The following UROS variants were observed in gnomAD, a reference collection of about 807,000 sequenced individuals.
The protein encoded by UROS is uroporphyrinogen-III synthase.
In UROS, 18 loss-of-function variants were observed where a neutral mutation model predicts 33.0. That is an observed-to-expected ratio of 0.55 (90% CI 0.38 to 0.81). The LOEUF is 0.81. UROS is among the 30% of genes least tolerant of loss of function. UROS has a pLI of 0.00. For synonymous variants in UROS, 114 were observed against 121.1 expected, an observed-to-expected ratio of 0.94 and a Z score of 0.38; for missense variants, 293 against 314.9, an observed-to-expected ratio of 0.93 and a Z score of 0.53.
At chr10:125,819,708 G>A (rs527460456) in intron 1 of UROS, 2 of 153,258 alleles carry the variant, frequency 1.3e-5, no homozygotes, top group Non-Finnish European at 2.9e-5. Context: ...TGAGACTGGT[G>A]AGGCTAGGGC....
intron 1 of UROS, among the ~76,000 whole-genome samples, chr10:125,822,650 G>A (rs761531738): frequency 2.6e-5 from 4 of 151,762 alleles, no homozygotes; most frequent in African/African-American, 9.7e-5. Flanking sequence ...CAGAGATGAG[G>A]TTTTGCCATG....
chr10:125,796,988 A>G, intron 7 of UROS: 1 of 409,012 alleles, frequency 2.4e-6, no homozygotes, highest in Non-Finnish European at 3.3e-6. Context: ...TGATTTATAT[A>G]TTATTTCTTT....
In UROS at chr10:125,798,148, G is replaced by A; in HGVS notation, c.395-3C>T. 1 of 1,613,700 alleles carries A rather than the reference G, an allele frequency of 6.2e-7. No individual in the cohort carries two copies. The highest frequency in any genetic ancestry group is 8.5e-7 in the Non-Finnish European group (1 of 1,179,652). On this transcript the variant is annotated splice_polypyrimidine_tract_variant and splice_region_variant and intron_variant, in intron 6 of 9. Coordinates refer to ENST00000368797, the MANE Select transcript of UROS (RefSeq NM_000375.3). ...AAGAGGCAGTGCTGAGGACTCCCCT[G>A]TGAATAAATAACCAGGCTTTGTGAA...
At chr10:125,817,935 C>T (rs1853495734) in intron 1 of UROS, among the ~76,000 whole-genome samples, 1 of 152,174 alleles carries the variant, frequency 6.6e-6, no homozygotes, top group Non-Finnish European at 1.5e-5. Flanking sequence ...GTTATGCAAA[C>T]ACCCCAAAGA....
intron 9 of UROS, chr10:125,794,292 C>G: frequency 1.0e-6 from 1 of 987,088 alleles, no homozygotes; most frequent in Non-Finnish European, 1.2e-6. Flanking sequence ...GCCTTTTGCT[C>G]TTCCTGACTG....
Position 125,796,163 on chromosome 10 carries a change from C to T in UROS, c.501G>A (p.Val167=), listed in dbSNP as rs756382766. ...TTCCTGGGTGTGCAACTGTCTGATA[C>T]ACAGTTATGCTTTCCATGGCAATCC... ...DKGIAMESIT[V]YQTVAHPGIQ... Residue 167 remains valine, a synonymous_variant, in exon 8 of 10, where the codon GTG becomes GTA. Transcript: ENST00000368797. The T allele has an allele frequency of 2.7e-5, 43 of 1,614,068 alleles. No homozygotes were observed. The highest frequency in any genetic ancestry group is 4.5e-5 in the East Asian group (2 of 44,888).
At chr10:125,816,673 C>A in intron 1 of UROS, 148 bp from the exon 2 acceptor site, 2 of 729,812 alleles carry the variant, frequency 2.7e-6, no homozygotes, top group Non-Finnish European at 4.7e-6. Flanking sequence ...CACTAATGGG[C>A]TTGTTCTTTC....
chr10:125,803,141 C>T (rs1265993617), intron 6 of UROS: 7 of 1,424,276 alleles, frequency 4.9e-6, no homozygotes, highest in Non-Finnish European at 6.8e-6. Flanking sequence ...TGAGCCCCAG[C>T]CTACCACTAT....
chr10:125,794,925 G>A lies in UROS; in HGVS notation c.615C>T (p.Leu205=). 13 of 1,614,168 alleles carry A rather than the reference G, an allele frequency of 8.1e-6. No individual in the cohort carries two copies. The highest frequency in any genetic ancestry group is 1.1e-5 in the Non-Finnish European group (13 of 1,180,020). The change falls in exon 9 of 10, where the codon CTC becomes CTT. Residue 205 remains leucine, a synonymous_variant. Coordinates refer to ENST00000368797, the MANE Select transcript of UROS (RefSeq NM_000375.3). ...CACCAGATAACTCCTGAATGTGCTT[G>A]AGACTGTATGTGAGGCCAGAGGGAC... ...FFSPSGLTYS[L]KHIQELSGDN... is the part of the protein sequence containing the mutation.
At chr10:125,817,543 G>A (rs1853448173) in intron 1 of UROS, among the ~76,000 whole-genome samples, 1 of 151,898 alleles carries the variant, frequency 6.6e-6, no homozygotes. Context: ...GTGTGATCTT[G>A]TTTTTTCCCA....
chr10:125,796,253 T>A, intron 7 of UROS, 65 bp from the exon 8 acceptor site: 1 of 1,507,018 alleles, frequency 6.6e-7, no homozygotes, highest in Non-Finnish European at 9.2e-7. Flanking sequence ...CTCCACCACT[T>A]CACAGCACAG....
intron 2 of UROS, 32 bp from the exon 3 acceptor site, chr10:125,816,292 T>C: frequency 6.2e-7 from 1 of 1,609,654 alleles, no homozygotes; most frequent in Non-Finnish European, 8.5e-7. Context: ...CTGGATTGGC[T>C]AGGGCTGTTT....
chr10:125,797,133 T>C (rs1216555437), intron 7 of UROS, among the ~76,000 whole-genome samples: 2 of 152,170 alleles, frequency 1.3e-5, no homozygotes, highest in African/African-American at 2.4e-5. Context: ...ACAGATGATA[T>C]GGGTAGAAGG....
intron 8 of UROS, 135 bp from the exon 9 acceptor site, chr10:125,795,113 G>T: frequency 1.3e-6 from 1 of 768,688 alleles, no homozygotes; most frequent in Non-Finnish European, 2.3e-6. Context: ...GTTCCCGGCT[G>T]ATGCTGGCAT....
In UROS at chr10:125,814,319, C is replaced by T. The variant is rs546976947; in HGVS notation, c.244+715G>A. Among the ~76,000 whole-genome samples, 4 of 152,338 alleles carry T rather than the reference C, an allele frequency of 2.6e-5. No individual in the cohort carries two copies. The South Asian group carries it at 8.3e-4, about 32-fold the overall frequency. Reference sequence around the variant, plus strand: ...CACTCTGCCCGCTGCCTCCGCTCATCAGTGTAACTGTGGAGGTGGGTGGCC... The same window carrying T: ...CACTCTGCCCGCTGCCTCCGCTCATTAGTGTAACTGTGGAGGTGGGTGGCC... On this transcript the variant is annotated intron_variant, in intron 4 of 9. Transcript: ENST00000368797.
intron 6 of UROS, among the ~76,000 whole-genome samples, chr10:125,801,892 A>G (rs948352543): frequency 3.9e-5 from 6 of 152,234 alleles, no homozygotes; most frequent in Admixed American, 6.5e-5. Flanking sequence ...TCTAATGAAC[A>G]ACGACTCAGA....
At chr10:125,803,310 G>A (rs554347247) in intron 6 of UROS, among the ~76,000 whole-genome samples, 5 of 152,192 alleles carry the variant, frequency 3.3e-5, no homozygotes, top group South Asian at 4.1e-4. Context: ...GACTCATAAC[G>A]GGCCCTCAAA....
chr10:125,794,301 T>C, intron 9 of UROS: 1 of 989,230 alleles, frequency 1.0e-6, no homozygotes, highest in Non-Finnish European at 1.2e-6. Context: ...TCTTCCTGAC[T>C]GCAGTGAGTG....
At chr10:125,818,878 CAGAA>C (rs1408614908) in intron 1 of UROS, among the ~76,000 whole-genome samples, 2 of 152,210 alleles carry the variant, frequency 1.3e-5, no homozygotes, top group Admixed American at 6.5e-5. Flanking sequence ...ATCTTTGAAA[CAGAA>C]AGAATGATTA....
Sources: allele counts gnomAD v4.1 joint callset (sites outside exome capture counted in the v4.1 genomes callset), GRCh38; gene constraint gnomAD v4.1.1; transcripts MANE v1.5; gene names NCBI Gene and HGNC (gene_info 2026-07-23, HGNC 2026-07-21).